Variants in GNG7 observed in about 807,000 individuals in gnomAD.
GNG7 encodes the protein guanine nucleotide-binding protein G(I)/G(S)/G(O) subunit gamma-7.
A neutral mutation model predicts 4.0 loss-of-function variants in GNG7; 1 was observed. The ratio of observed to expected loss-of-function variants is 0.25; its 90% confidence interval spans 0.09 to 1.18. The LOEUF (loss-of-function observed/expected upper bound fraction) is 1.18, where lower values mean the gene tolerates loss of function less well. Among genes scored for constraint, GNG7 ranks in the 50% most tolerant of loss-of-function variants. The pLI is 0.50. For missense variants in GNG7, 86 were observed against 91.9 expected (o/e 0.94, Z 0.26); for synonymous variants, 34 against 36.9 (o/e 0.92, Z 0.29).
chr19:2,641,220 G>C (rs983426056), intron 2 of GNG7, among the ~76,000 whole-genome samples: 3 of 152,168 alleles, frequency 2.0e-5, no homozygotes, highest in Admixed American at 2.0e-4. Context: ...TGAGTGACCA[G>C]GCAAGGGAGG....
chr19:2,637,189 C>T (rs1334812023), intron 2 of GNG7, among the ~76,000 whole-genome samples: 2 of 146,828 alleles, frequency 1.4e-5, no homozygotes, highest in Non-Finnish European at 3.0e-5. Context: ...GCAAATCGAG[C>T]TTCAGAGGCC....
At chr19:2,654,381 T>G (rs1030863713) in intron 1 of GNG7, among the ~76,000 whole-genome samples, 1 of 151,928 alleles carries the variant, frequency 6.6e-6, no homozygotes, top group African/African-American at 2.4e-5. Flanking sequence ...CTCTCTGGGG[T>G]GGGGCCATCC....
At chr19:2,681,706 C>T (rs112837400) in intron 1 of GNG7, among the ~76,000 whole-genome samples, 3,024 of 152,244 alleles carry the variant, frequency 0.02, 104 homozygotes, top group African/African-American at 0.07. Flanking sequence ...TCCAGAGCAG[C>T]TGTACCACAT....
At chr19:2,538,092 A>AAAC (rs1568235449) in intron 3 of GNG7, 9 of 454,196 alleles carry the variant, frequency 2.0e-5, no homozygotes, top group Non-Finnish European at 3.5e-5. Context: ...AAACAAAACA[A>AAAC]AACAAAACAA....
At chr19:2,635,333 G>A (rs987260676) in intron 2 of GNG7, among the ~76,000 whole-genome samples, 1 of 152,178 alleles carries the variant, frequency 6.6e-6, no homozygotes, top group Non-Finnish European at 1.5e-5. Context: ...CTTCAGTGCT[G>A]AATGTGAGAG....
chr19:2,583,583 T>C (rs1039481341), intron 2 of GNG7, among the ~76,000 whole-genome samples: 29 of 152,302 alleles, frequency 1.9e-4, no homozygotes, highest in African/African-American at 4.6e-4. Context: ...CTTTCACACT[T>C]CCTGATGAGT....
chr19:2,601,609 T>C (rs377142236), intron 2 of GNG7, among the ~76,000 whole-genome samples: 6 of 151,916 alleles, frequency 3.9e-5, no homozygotes, highest in African/African-American at 1.5e-4. Context: ...AGATTTTTAT[T>C]GAGGAAAAGA....
intron 2 of GNG7, among the ~76,000 whole-genome samples, chr19:2,638,315 T>C (rs1982371095): frequency 6.8e-6 from 1 of 147,592 alleles, no homozygotes; most frequent in South Asian, 2.2e-4. Flanking sequence ...TGAGCTGAGA[T>C]CATGCCACTG....
At chr19:2,681,087 T>C (rs2317323) in intron 1 of GNG7, among the ~76,000 whole-genome samples, 44,975 of 152,008 alleles carry the variant, frequency 0.3, 7,373 homozygotes, top group East Asian at 0.56. Context: ...GTTTCTTTGA[T>C]CCTCCTGTGT....
chr19:2,678,312 GTTCTGGAATCTTCCAGAAGC>G (rs1983645111), intron 1 of GNG7, among the ~76,000 whole-genome samples: 3 of 152,304 alleles, frequency 2.0e-5, no homozygotes, highest in South Asian at 2.1e-4. Context: ...CTTGTAGAAT[GTTCTGGAATCTTCCAGAAGC>G]TTCTGGAAAC....
At chr19:2,585,763 C>T (rs552530287) in intron 2 of GNG7, among the ~76,000 whole-genome samples, 134 of 152,218 alleles carry the variant, frequency 8.8e-4, no homozygotes, top group East Asian at 5.2e-3. Context: ...TGCAGTGGCG[C>T]GATCTCGGCT....
intron 3 of GNG7, among the ~76,000 whole-genome samples, chr19:2,554,877 A>G (rs924163090): frequency 9.2e-5 from 14 of 152,076 alleles, no homozygotes; most frequent in African/African-American, 3.4e-4. Context: ...TTGTATCTAT[A>G]TGCTTGTTTA....
At chr19:2,576,703 C>A (rs1005663476) in intron 2 of GNG7, among the ~76,000 whole-genome samples, 17 of 150,654 alleles carry the variant, frequency 1.1e-4, no homozygotes, top group Admixed American at 6.0e-4. Flanking sequence ...CGTACCAGCC[C>A]ATCTGGGTAA....
chr19:2,558,243 TG>T (rs1171520866), intron 2 of GNG7, among the ~76,000 whole-genome samples: 4 of 48,962 alleles, frequency 8.2e-5, no homozygotes, highest in South Asian at 4.9e-4. Flanking sequence ...TTTTTGTTTT[TG>T]TTTTTGTTTT....
chr19:2,651,222 G>A lies in GNG7; in HGVS notation c.-134-4942C>T, dbSNP rs540265462. On this transcript the variant is annotated intron_variant, in intron 1 of 4. Coordinates refer to ENST00000382159, the MANE Select transcript of GNG7 (RefSeq NM_052847.3). ...GAGGCACTTCTCCAGATCTCTGTCC[G>A]ACTTCCTTCCTTCCTTCCTTCCTTT... Among the ~76,000 whole-genome samples, 220 of 145,930 alleles carry A rather than the reference G, an allele frequency of 1.5e-3. 1 individual carries two copies. Among genetic ancestry groups the A allele is most frequent in the Non-Finnish European group, 2.0e-3 (129 of 66,024 alleles).
At position 2,653,877 on chromosome 19, in the gene GNG7, G is replaced by A. The variant is rs889909911; in HGVS notation, c.-134-7597C>T. 6.6e-6 allele frequency among the ~76,000 whole-genome samples: 1 copy of A among 152,114 alleles called. No homozygotes were observed. The highest frequency in any genetic ancestry group is 2.4e-5 in the African/African-American group (1 of 41,414). Reference sequence around the variant, plus strand: ...CCACCCAGGCGCTGTCCCTGGCCTCGCCCATGGCTAACCTTGGCAGGCATC... The same window carrying A: ...CCACCCAGGCGCTGTCCCTGGCCTCACCCATGGCTAACCTTGGCAGGCATC... On this transcript the variant is annotated intron_variant, in intron 1 of 4. Coordinates refer to ENST00000382159, the MANE Select transcript of GNG7 (RefSeq NM_052847.3). The surrounding 1 kb of genome is among the most constrained non-coding windows in gnomAD (Gnocchi z 4.8).
At chr19:2,556,076 G>C (rs116449486) in intron 2 of GNG7, among the ~76,000 whole-genome samples, 4,354 of 152,336 alleles carry the variant, frequency 0.029, 86 homozygotes, top group Admixed American at 0.045. Context: ...TGGACAAGGA[G>C]GCCCGAGGCA....
intron 2 of GNG7, among the ~76,000 whole-genome samples, chr19:2,568,869 TAC>T (rs1980052723): frequency 2.0e-5 from 3 of 150,970 alleles, no homozygotes; most frequent in African/African-American, 7.3e-5. Context: ...TACACACAAG[TAC>T]ACACACATAC....
chr19:2,571,834 G>A (rs1980158785), intron 2 of GNG7, among the ~76,000 whole-genome samples: 1 of 151,680 alleles, frequency 6.6e-6, no homozygotes, highest in South Asian at 2.1e-4. Flanking sequence ...GACCTCAGGT[G>A]ATCTGCCCAC....
Sources: allele counts gnomAD v4.1 joint callset (sites outside exome capture counted in the v4.1 genomes callset), GRCh38; gene constraint gnomAD v4.1.1; non-coding constraint Gnocchi (gnomAD v3.1); transcripts MANE v1.5; gene names NCBI Gene and HGNC (gene_info 2026-07-23, HGNC 2026-07-21).